The following EXOC2 variants were observed in gnomAD, a reference collection of about 807,000 sequenced individuals.
EXOC2 encodes SEC5-like 1.
EXOC2 carries 70 observed loss-of-function variants against 131.8 expected under a neutral mutation model. The ratio of observed to expected loss-of-function variants is 0.53; its 90% CI spans 0.44 to 0.65. The LOEUF is 0.65. Among genes scored for constraint, EXOC2 ranks in the 30% least tolerant of loss-of-function variants. EXOC2 has a pLI of 0.00. For missense variants in EXOC2, 923 were observed against 1,108.6 expected, an observed-to-expected ratio of 0.83 and a Z score of 2.38; for synonymous variants, 411 against 398.4, an observed-to-expected ratio of 1.03 and a Z score of -0.38.
chr6:644,746 A>G (rs1762503585), intron 1 of EXOC2, among the ~76,000 whole-genome samples: 2 of 152,152 alleles, frequency 1.3e-5, no homozygotes, highest in Non-Finnish European at 2.9e-5. Flanking sequence ...TGAAAATGCC[A>G]TTATAAAACC....
intron 10 of EXOC2, among the ~76,000 whole-genome samples, chr6:593,338 T>C (rs1759646181): frequency 6.6e-6 from 1 of 152,242 alleles, no homozygotes; most frequent in Non-Finnish European, 1.5e-5. Flanking sequence ...GATGGCAGTA[T>C]GGCACCGCTT....
At chr6:607,283 T>C (rs1016839878) in intron 7 of EXOC2, among the ~76,000 whole-genome samples, 2 of 152,232 alleles carry the variant, frequency 1.3e-5, no homozygotes, top group Non-Finnish European at 2.9e-5. Context: ...GAGCCATATT[T>C]CTGGATATAA....
chr6:687,418 A>G (rs1171780825), intron 1 of EXOC2, among the ~76,000 whole-genome samples: 1 of 152,008 alleles, frequency 6.6e-6, no homozygotes, highest in African/African-American at 2.4e-5. Flanking sequence ...CCTGGGCTCA[A>G]GCTATCCTTC....
At chr6:527,505 G>A (rs1025481943) in intron 23 of EXOC2, among the ~76,000 whole-genome samples, 1 of 152,230 alleles carries the variant, frequency 6.6e-6, no homozygotes, top group Non-Finnish European at 1.5e-5. Context: ...GGAATATGCT[G>A]CTTGGCACAC....
rs752990626 is a variant in EXOC2 at position 556,474 on chromosome 6, G to A, written c.1932+10C>T. On this transcript the variant is annotated intron_variant, in intron 18 of 27. Transcript: ENST00000230449. ...GGAAACTGGAGTCCAAGCGGAGCTGGAATACTTACACTGGCCTCTCCCGGC... is the reference window on the plus strand; with the variant it reads ...GGAAACTGGAGTCCAAGCGGAGCTGAAATACTTACACTGGCCTCTCCCGGC... 6.2e-7 allele frequency: 1 copy of A among 1,613,614 alleles called. No homozygotes were observed.
chr6:655,379 T>C (rs1226212922), intron 1 of EXOC2, among the ~76,000 whole-genome samples: 2 of 152,242 alleles, frequency 1.3e-5, no homozygotes, highest in Non-Finnish European at 2.9e-5. Flanking sequence ...GACTACAGTA[T>C]AATGCAAACA....
intron 21 of EXOC2, among the ~76,000 whole-genome samples, chr6:552,480 T>C (rs926591072): frequency 1.2e-4 from 19 of 152,350 alleles, no homozygotes; most frequent in African/African-American, 3.1e-4. Context: ...CCAGAATTCT[T>C]GGTGTTCTTA....
intron 1 of EXOC2, among the ~76,000 whole-genome samples, chr6:680,060 A>G (rs1581681287): frequency 6.6e-6 from 1 of 152,144 alleles, no homozygotes; most frequent in Non-Finnish European, 1.5e-5. Context: ...TCTTAAACAT[A>G]CATAAGAGAG....
intron 12 of EXOC2, among the ~76,000 whole-genome samples, chr6:574,073 CCA>C (rs1758441858): frequency 6.6e-6 from 1 of 152,172 alleles, no homozygotes; most frequent in African/African-American, 2.4e-5. Flanking sequence ...CTTTTTCTCC[CCA>C]CAGTTATACT....
intron 4 of EXOC2, among the ~76,000 whole-genome samples, chr6:623,210 G>A (rs1159676297): frequency 1.3e-5 from 2 of 152,200 alleles, no homozygotes; most frequent in East Asian, 1.9e-4. Context: ...CTTCTGCATT[G>A]GAGTGAGCAG....
intron 2 of EXOC2, among the ~76,000 whole-genome samples, chr6:637,432 C>A (rs906855946): frequency 2.6e-5 from 4 of 152,224 alleles, no homozygotes; most frequent in Admixed American, 2.6e-4. Flanking sequence ...ATCAAGACAT[C>A]AAAGCTTCAG....
In EXOC2 at chr6:550,220, A is replaced by G. The variant is rs898304621; in HGVS notation, c.2122-929T>C. ...AAACACTTTCCATCACATACTCTGC[A>G]TGCTCTTTCTGTGCATAACCAGAAT... On this transcript the variant is annotated intron_variant, in intron 21 of 27. Transcript: ENST00000230449. Among the ~76,000 whole-genome samples, 3 of 152,254 alleles carry G rather than the reference A, an allele frequency of 2.0e-5. No homozygotes were observed. In the South Asian group the frequency reaches 6.2e-4, roughly 31 times the overall value.
At chr6:692,391 A>C (rs953161765) in intron 1 of EXOC2, among the ~76,000 whole-genome samples, 1 of 152,228 alleles carries the variant, frequency 6.6e-6, no homozygotes, top group Non-Finnish European at 1.5e-5. Flanking sequence ...TGGTGTGCGG[A>C]CCTGGAGCCG....
In EXOC2 at chr6:546,403, C is replaced by T. The variant is rs774669787; in HGVS notation, c.2238+2772G>A. On this transcript the variant is annotated intron_variant, in intron 22 of 27. Coordinates refer to ENST00000230449, the MANE Select transcript of EXOC2 (RefSeq NM_018303.6). ...AAGAAGATGATTTGGATACCCTGAT[C>T]TCATGAATTATCATTCAATGTGGTT... 5.3e-4 allele frequency among the ~76,000 whole-genome samples: 81 copies of T among 152,292 alleles called. 1 individual carries two copies. Among genetic ancestry groups the T allele is most frequent in the South Asian group, 1.5e-3 (7 of 4,818 alleles).
intron 24 of EXOC2, among the ~76,000 whole-genome samples, chr6:498,458 A>G (rs1343849876): frequency 6.6e-6 from 1 of 152,216 alleles, no homozygotes; most frequent in East Asian, 1.9e-4. Context: ...CAGAATTTTT[A>G]TATTTTTTAT....
intron 11 of EXOC2, among the ~76,000 whole-genome samples, chr6:583,844 C>G (rs898954960): frequency 5.9e-5 from 9 of 152,180 alleles, no homozygotes; most frequent in African/African-American, 2.2e-4. Flanking sequence ...GTACACAGGT[C>G]ACAAAGGCAC....
chr6:655,698 T>G (rs1478338161), intron 1 of EXOC2, among the ~76,000 whole-genome samples: 1 of 152,230 alleles, frequency 6.6e-6, no homozygotes, highest in Non-Finnish European at 1.5e-5. Context: ...TATTTAGCTC[T>G]CTACATAAGA....
chr6:572,236 C>T (rs985704008), intron 13 of EXOC2, among the ~76,000 whole-genome samples: 4 of 152,138 alleles, frequency 2.6e-5, no homozygotes, highest in African/African-American at 7.2e-5. Flanking sequence ...GAAAAGAGTT[C>T]GAGCTTTCTT....
chr6:634,729 G>A (rs1762018025), intron 2 of EXOC2, among the ~76,000 whole-genome samples: 1 of 151,784 alleles, frequency 6.6e-6, no homozygotes, highest in Non-Finnish European at 1.5e-5. Flanking sequence ...TCAGGACTAT[G>A]GTTTCTACTG....
Sources: gnomAD v4.1 joint callset for allele counts (sites outside exome capture counted in the v4.1 genomes callset) on GRCh38, gnomAD v4.1.1 for gene constraint, MANE v1.5 for transcripts, NCBI Gene and HGNC (gene_info 2026-07-23, HGNC 2026-07-21) for gene names.